ADGRV1: variants seen among roughly 807,000 people sequenced by gnomAD.
ADGRV1 encodes G-protein coupled receptor 98.
ADGRV1 carries 359 observed loss-of-function variants against 596.2 expected under a neutral mutation model. The observed-to-expected ratio is 0.60, with a 90% confidence interval of 0.55 to 0.66. The LOEUF (loss-of-function observed/expected upper bound fraction) is 0.66, where lower values mean the gene tolerates loss of function less well. Among genes scored for constraint, ADGRV1 ranks in the 30% least tolerant of loss-of-function variants. ADGRV1 has a pLI of 0.00. For synonymous variants in ADGRV1, 2,681 were observed against 2,679.2 expected (o/e 1.00, Z -0.02); for missense variants, 7,274 against 7,575.6 (o/e 0.96, Z 1.48).
chr5:90,821,332 A>T (rs995127422), intron 75 of ADGRV1, among the ~76,000 whole-genome samples: 1 of 150,992 alleles, frequency 6.6e-6, no homozygotes, highest in African/African-American at 2.4e-5. Flanking sequence ...TTTTTTTCAA[A>T]GTTTTCAACT....
At position 90,647,723 on chromosome 5, in the gene ADGRV1, A is replaced by C. The variant is rs1767999111; in HGVS notation, c.3248A>C (p.Glu1083Ala). The change falls in exon 17 of 90, where the codon GAA (glutamate) becomes GCA (alanine). Residue 1083 changes from glutamate (E) to alanine (A), a missense_variant. This residue lies in a region of ADGRV1 where 1,715 missense variants were observed against 1,708.8 expected (regional missense o/e 1.00). Coordinates refer to ENST00000405460, the MANE Select transcript of ADGRV1 (RefSeq NM_032119.4). ...TTTGTTAATGAAGATGGTATCCCGG[A>C]AACAGATGAGCCCTTTTATATAATC... The part of the protein sequence containing the change: ...SIFVNEDGIP[E>A]TDEPFYIILL... 6.2e-7 allele frequency: 1 copy of C among 1,613,838 alleles called. No individual in the cohort carries two copies. The highest frequency in any genetic ancestry group is 8.5e-7 in the Non-Finnish European group (1 of 1,179,728).
rs77788812 is a variant in ADGRV1, at chr5:91,028,629, C to G, written c.18152+43107C>G. Among the ~76,000 whole-genome samples, 816 of 151,980 alleles carry G rather than the reference C, an allele frequency of 5.4e-3. 8 individuals are homozygous for G. Among genetic ancestry groups the G allele is most frequent in the Middle Eastern group, 0.02 (6 of 294 alleles). ...TGCCCTCCTCCAGTTTAAGACATCT[C>G]TACCATCAAGGACCAGCCTCTTTAA... On this transcript the variant is annotated intron_variant, in intron 85 of 89. Coordinates refer to ENST00000405460, the MANE Select transcript of ADGRV1 (RefSeq NM_032119.4).
intron 57 of ADGRV1, among the ~76,000 whole-genome samples, chr5:90,757,413 A>G (rs1003794335): frequency 2.0e-5 from 3 of 152,224 alleles, no homozygotes; most frequent in African/African-American, 7.2e-5. Context: ...AGAAGTTACA[A>G]AACAGGATAA....
chr5:90,601,366 A>G (rs1166222386), intron 1 of ADGRV1, among the ~76,000 whole-genome samples: 2 of 152,190 alleles, frequency 1.3e-5, no homozygotes, highest in African/African-American at 2.4e-5. Context: ...ATATCATACC[A>G]CTAGGAACTC....
intron 47 of ADGRV1, 137 bp downstream of exon 47, chr5:90,725,369 G>A (rs1751631844): frequency 1.4e-6 from 1 of 698,706 alleles, no homozygotes; most frequent in Admixed American, 3.6e-5. Flanking sequence ...ATACATTTTA[G>A]CAAAGTATCT....
rs983877052 is a variant in ADGRV1, at chr5:90,750,758, G to A, written c.11121+61G>A. ...AATTATGGTTACTAGTGATGTATGG[G>A]ACCAAATCCTGCCTTATGGATGAAG... On this transcript the variant is annotated intron_variant, in intron 53 of 89. Transcript: ENST00000405460. 9.1e-6 allele frequency: 12 copies of A among 1,320,264 alleles called. No homozygotes were observed. In the African/African-American group the frequency reaches 1.6e-4, roughly 18 times the overall value. 81.8% of individuals were successfully genotyped at this position (1,320,264 alleles called of 1,614,324 possible).
At chr5:91,081,554 CAGGTGA>C (rs1296830427) in intron 86 of ADGRV1, among the ~76,000 whole-genome samples, 27 of 152,222 alleles carry the variant, frequency 1.8e-4, no homozygotes, top group Middle Eastern at 3.4e-3. Flanking sequence ...GAGGCCGAGG[CAGGTGA>C]ATCATCTGAG....
intron 85 of ADGRV1, among the ~76,000 whole-genome samples, chr5:91,039,524 A>G (rs1272264528): frequency 6.6e-6 from 1 of 152,192 alleles, no homozygotes; most frequent in Non-Finnish European, 1.5e-5. Context: ...GCTAACTGGA[A>G]TCATATTTGG....
chr5:90,601,813 A>T (rs1179766204), intron 1 of ADGRV1, among the ~76,000 whole-genome samples: 1 of 152,184 alleles, frequency 6.6e-6, no homozygotes, highest in Non-Finnish European at 1.5e-5. Context: ...TATAGCTTTA[A>T]TGGCTAGAAA....
At chr5:90,910,417 GCA>G (rs1350037525) in intron 83 of ADGRV1, among the ~76,000 whole-genome samples, 9 of 152,116 alleles carry the variant, frequency 5.9e-5, no homozygotes, top group African/African-American at 2.2e-4. Flanking sequence ...TTGAGATAAT[GCA>G]CATTGTGAAT....
At chr5:91,110,823 A>G (rs557277885) in intron 87 of ADGRV1, among the ~76,000 whole-genome samples, 3 of 152,286 alleles carry the variant, frequency 2.0e-5, no homozygotes, top group Non-Finnish European at 2.9e-5. Flanking sequence ...TTGGGATATG[A>G]CACTTCTCAG....
chr5:91,108,477 A>C lies in ADGRV1; in HGVS notation c.18432+6137A>C, dbSNP rs564841304. The stretch of plus-strand genomic sequence containing the variant: ...ATAGGTGCTCTAAAACTATGATTGA[A>C]AGGGATGGTATTTGTATAGTATTCT... On this transcript the variant is annotated intron_variant, in intron 87 of 89. Transcript: ENST00000405460. 6.6e-5 allele frequency among the ~76,000 whole-genome samples: 10 copies of C among 152,300 alleles called. No individual in the cohort carries two copies. In the East Asian group the frequency reaches 1.9e-3, roughly 29 times the overall value.
chr5:91,049,649 G>T (rs547685030), intron 85 of ADGRV1, among the ~76,000 whole-genome samples: 14 of 152,240 alleles, frequency 9.2e-5, no homozygotes, highest in Middle Eastern at 6.8e-3. Flanking sequence ...CAAACACTGG[G>T]ATTTAAGGGA....
intron 87 of ADGRV1, among the ~76,000 whole-genome samples, chr5:91,110,079 T>G (rs1792235447): frequency 6.6e-6 from 1 of 152,224 alleles, no homozygotes; most frequent in Admixed American, 6.5e-5. Flanking sequence ...CATAAGAAAC[T>G]ATGTTTAATA....
intron 84 of ADGRV1, among the ~76,000 whole-genome samples, chr5:90,977,227 C>A (rs1214913089): frequency 1.3e-5 from 2 of 152,104 alleles, no homozygotes; most frequent in Admixed American, 6.5e-5. Flanking sequence ...AAAAGTCTTG[C>A]AATTTATTTC....
At chr5:90,904,891 C>G (rs1172025570) in intron 83 of ADGRV1, among the ~76,000 whole-genome samples, 1 of 143,932 alleles carries the variant, frequency 6.9e-6, no homozygotes, top group Non-Finnish European at 1.5e-5. Context: ...AGTCTTTAAT[C>G]CATTTTGATT....
chr5:91,135,178 C>CAAAA (rs70973732), intron 87 of ADGRV1, among the ~76,000 whole-genome samples: 1 of 93,020 alleles, frequency 1.1e-5, no homozygotes, highest in South Asian at 3.0e-4. Flanking sequence ...GACTCCATCT[C>CAAAA]AAAAAAAAAA....
chr5:90,933,358 A>C (rs1283028425), intron 83 of ADGRV1, among the ~76,000 whole-genome samples: 1 of 152,220 alleles, frequency 6.6e-6, no homozygotes, highest in Non-Finnish European at 1.5e-5. Flanking sequence ...AATGTATCTG[A>C]GAAGATACTA....
intron 74 of ADGRV1, among the ~76,000 whole-genome samples, chr5:90,812,452 C>T (rs1762527217): frequency 6.6e-6 from 1 of 152,030 alleles, no homozygotes; most frequent in Non-Finnish European, 1.5e-5. Flanking sequence ...TGTACATTAC[C>T]TCAAGTACTT....
Sources: gnomAD v4.1 joint callset for allele counts (sites outside exome capture counted in the v4.1 genomes callset) on GRCh38, gnomAD v4.1.1 for gene constraint, gnomAD v4.1.1 regional missense constraint, MANE v1.5 for transcripts, NCBI Gene and HGNC (gene_info 2026-07-23, HGNC 2026-07-21) for gene names.